Variants in RAB38 observed in about 807,000 individuals in gnomAD.
RAB38 encodes ras-related protein Rab-38.
RAB38 carries 15 observed loss-of-function variants against 18.4 expected under a neutral mutation model. The observed-to-expected ratio is 0.82, with a 90% CI of 0.55 to 1.26. The LOEUF (loss-of-function observed/expected upper bound fraction) is 1.26. RAB38 is among the 50% of genes most tolerant of loss of function. RAB38 has a pLI of 0.00. For synonymous variants in RAB38, 101 were observed against 104.4 expected (o/e 0.97, Z 0.20); for missense variants, 294 against 267.4 (o/e 1.10, Z -0.69).
the RAB38 span, among the ~76,000 whole-genome samples, chr11:88,055,003 CA>C: frequency 1.3e-5 from 2 of 152,146 alleles, no homozygotes; most frequent in African/African-American, 2.4e-5. Flanking sequence ...TGATCTTGGG[CA>C]AACCACCCAG....
chr11:87,843,152 C>T, the RAB38 span, among the ~76,000 whole-genome samples: 1 of 152,202 alleles, frequency 6.6e-6, no homozygotes, highest in African/African-American at 2.4e-5. Context: ...TGTGTTGATG[C>T]ACACGTTTTG....
chr11:87,921,562 TATATA>T, the RAB38 span, among the ~76,000 whole-genome samples: 1 of 148,188 alleles, frequency 6.7e-6, no homozygotes, highest in East Asian at 2.0e-4. Flanking sequence ...TAAAATATTA[TATATA>T]ATATATATTA....
chr11:88,086,969 G>A, the RAB38 span, among the ~76,000 whole-genome samples: 1 of 140,802 alleles, frequency 7.1e-6, no homozygotes, highest in East Asian at 2.3e-4. Flanking sequence ...CAATGCTATG[G>A]GGACAAATTG....
chr11:88,069,659 T>A, the RAB38 span, among the ~76,000 whole-genome samples: 1 of 151,974 alleles, frequency 6.6e-6, no homozygotes, highest in Admixed American at 6.5e-5. Flanking sequence ...AGAACTTTTA[T>A]GTCTAGCTAA....
At chr11:87,867,510 G>T in the RAB38 span, among the ~76,000 whole-genome samples, 1 of 151,694 alleles carries the variant, frequency 6.6e-6, no homozygotes, top group African/African-American at 2.4e-5. Context: ...AGGCTTTTCT[G>T]GAAATTGTAA....
chr11:87,961,962 C>T, the RAB38 span, among the ~76,000 whole-genome samples: 2 of 152,092 alleles, frequency 1.3e-5, no homozygotes, highest in African/African-American at 2.4e-5. Flanking sequence ...AACCAACTCC[C>T]CATTCAGAAA....
At chr11:87,837,531 A>G in the RAB38 span, among the ~76,000 whole-genome samples, 1 of 152,240 alleles carries the variant, frequency 6.6e-6, no homozygotes, top group Non-Finnish European at 1.5e-5. Flanking sequence ...CAGCAGTGGT[A>G]TGGTATAAGT....
At chr11:87,947,335 G>A in the RAB38 span, among the ~76,000 whole-genome samples, 2 of 151,850 alleles carry the variant, frequency 1.3e-5, no homozygotes, top group African/African-American at 2.4e-5. Context: ...CCATTCTGTA[G>A]GCTGCCTGTT....
chr11:87,932,536 T>A, the RAB38 span, among the ~76,000 whole-genome samples: 6 of 152,198 alleles, frequency 3.9e-5, no homozygotes, highest in Non-Finnish European at 5.9e-5. Context: ...AAATCTCTTC[T>A]GAACTTCCTT....
the RAB38 span, among the ~76,000 whole-genome samples, chr11:87,959,175 A>G: frequency 1.8e-3 from 272 of 152,198 alleles, 1 homozygote; most frequent in African/African-American, 6.3e-3. Context: ...TGTGTTTGAT[A>G]AGGAATTAAT....
At chr11:88,027,849 C>T in the RAB38 span, among the ~76,000 whole-genome samples, 1 of 152,190 alleles carries the variant, frequency 6.6e-6, no homozygotes, top group Non-Finnish European at 1.5e-5. Flanking sequence ...TTAAATGTCC[C>T]TGTCTGACAG....
the RAB38 span, among the ~76,000 whole-genome samples, chr11:87,972,164 A>C: frequency 1.7e-4 from 26 of 152,044 alleles, no homozygotes; most frequent in African/African-American, 6.3e-4. Context: ...TGGCGCCAAA[A>C]ATAAATGATT....
At chr11:88,054,682 C>A in the RAB38 span, among the ~76,000 whole-genome samples, 1 of 152,168 alleles carries the variant, frequency 6.6e-6, no homozygotes, top group Non-Finnish European at 1.5e-5. Flanking sequence ...ATTAAGGAGG[C>A]CACTAACTTT....
chr11:88,049,023 A>G, the RAB38 span, among the ~76,000 whole-genome samples: 1 of 151,852 alleles, frequency 6.6e-6, no homozygotes, highest in African/African-American at 2.4e-5. Flanking sequence ...TCTTCTAACA[A>G]CCCCACAATA....
chr11:87,897,989 A>G, the RAB38 span, among the ~76,000 whole-genome samples: 1 of 151,602 alleles, frequency 6.6e-6, no homozygotes, highest in African/African-American at 2.4e-5. Flanking sequence ...GATGGGCTCT[A>G]TAAATATCTA....
chr11:88,174,373 AT>A (rs1331554334), intron 1 of RAB38, among the ~76,000 whole-genome samples: 1 of 152,290 alleles, frequency 6.6e-6, no homozygotes, highest in East Asian at 1.9e-4. Flanking sequence ...GATTTTAAAT[AT>A]TGTAAAAAAC....
the RAB38 span, among the ~76,000 whole-genome samples, chr11:87,851,868 T>C: frequency 1.3e-5 from 2 of 152,066 alleles, no homozygotes. Flanking sequence ...TCTAGCTGGG[T>C]CTGAAAATCA....
the RAB38 span, among the ~76,000 whole-genome samples, chr11:87,810,994 A>T: frequency 6.6e-6 from 1 of 152,234 alleles, no homozygotes; most frequent in South Asian, 2.1e-4. Flanking sequence ...AGAAAGGAAA[A>T]GTTGCCTGAA....
the RAB38 span, among the ~76,000 whole-genome samples, chr11:87,975,117 G>A: frequency 1.3e-4 from 19 of 151,812 alleles, no homozygotes; most frequent in Non-Finnish European, 5.9e-5. Context: ...TCTTCCCATG[G>A]TGTTCTCTGT....
Sources: allele counts gnomAD v4.1 joint callset (sites outside exome capture counted in the v4.1 genomes callset), GRCh38; gene constraint gnomAD v4.1.1; transcripts MANE v1.5; gene names NCBI Gene and HGNC (gene_info 2026-07-23, HGNC 2026-07-21).